Variants in NEGR1 observed in about 807,000 individuals in gnomAD.
NEGR1 encodes the protein neuronal growth regulator 1.
Under a neutral mutation model 40.9 loss-of-function variants are expected in NEGR1, and 10 were observed. The observed-to-expected ratio is 0.24, with a 90% CI of 0.15 to 0.42. The LOEUF (loss-of-function observed/expected upper bound fraction) is 0.42, where lower values mean the gene tolerates loss of function less well. Ranked by LOEUF, NEGR1 falls within the 10% of genes least tolerant of loss-of-function variation. The pLI is 1.00. For synonymous variants in NEGR1, 185 were observed against 166.8 expected (o/e 1.11, Z -0.84); for missense variants, 352 against 438.9 (o/e 0.80, Z 1.77).
At chr1:72,109,739 G>A (rs1276026343) in intron 1 of NEGR1, among the ~76,000 whole-genome samples, 2 of 151,510 alleles carry the variant, frequency 1.3e-5, no homozygotes, top group Non-Finnish European at 3.0e-5. Flanking sequence ...CTCCTAACTG[G>A]CTTTAAATAA....
At chr1:72,143,914 A>ATATATATG (rs1491498187) in intron 1 of NEGR1, among the ~76,000 whole-genome samples, 3 of 130,614 alleles carry the variant, frequency 2.3e-5, no homozygotes, top group African/African-American at 3.0e-5. Flanking sequence ...TGATATATAT[A>ATATATATG]ATATATATAT....
At chr1:72,282,099 G>A (rs1344152860) in intron 1 of NEGR1, among the ~76,000 whole-genome samples, 1 of 152,062 alleles carries the variant, frequency 6.6e-6, no homozygotes, top group Non-Finnish European at 1.5e-5. Context: ...TTGGCGTTCC[G>A]GCAAAGTGCT....
intron 2 of NEGR1, among the ~76,000 whole-genome samples, chr1:71,907,902 C>A (rs1661321248): frequency 6.6e-6 from 1 of 152,094 alleles, no homozygotes; most frequent in Non-Finnish European, 1.5e-5. Flanking sequence ...AACACAGGAA[C>A]AGAAAACCAA....
At chr1:71,464,125 T>C (rs1426973746) in intron 6 of NEGR1, among the ~76,000 whole-genome samples, 1 of 152,096 alleles carries the variant, frequency 6.6e-6, no homozygotes, top group East Asian at 1.9e-4. Context: ...TTTAGTCTTC[T>C]GTCAACAGCT....
intron 6 of NEGR1, among the ~76,000 whole-genome samples, chr1:71,472,101 T>C (rs931144121): frequency 6.6e-6 from 1 of 152,178 alleles, no homozygotes; most frequent in African/African-American, 2.4e-5. Flanking sequence ...ATGGGAAATA[T>C]ACAACTAAAC....
intron 6 of NEGR1, among the ~76,000 whole-genome samples, chr1:71,488,458 C>A (rs1291445612): frequency 2.0e-5 from 3 of 151,752 alleles, no homozygotes; most frequent in Non-Finnish European, 2.9e-5. Flanking sequence ...TGACTCCCAG[C>A]TGAACTGTTT....
chr1:71,724,476 T>C (rs774927580), intron 3 of NEGR1, among the ~76,000 whole-genome samples: 7 of 152,190 alleles, frequency 4.6e-5, no homozygotes, highest in Non-Finnish European at 1.0e-4. Flanking sequence ...TTATTTCCTC[T>C]TTTTGCATCA....
chr1:72,237,989 C>T (rs1654613592), intron 1 of NEGR1, among the ~76,000 whole-genome samples: 1 of 151,832 alleles, frequency 6.6e-6, no homozygotes, highest in African/African-American at 2.4e-5. Flanking sequence ...TATTGTTCTC[C>T]CTACTTCTTT....
rs72680860 is a variant in NEGR1 at position 72,041,550 on chromosome 1, C to G, written c.177-106239G>C. 4.6e-3 allele frequency among the ~76,000 whole-genome samples: 688 copies of G among 150,768 alleles called. 2 individuals are homozygous for G. Among genetic ancestry groups the G allele is most frequent in the Non-Finnish European group, 7.5e-3 (509 of 67,720 alleles). ...AACAGTGGGTTAACAACTGCACCCC[C>G]ACAAAGAGACAGGGTAAGTCACCTA... On this transcript the variant is annotated intron_variant, in intron 1 of 6. Transcript: ENST00000357731.
intron 6 of NEGR1, among the ~76,000 whole-genome samples, chr1:71,495,082 A>G (rs357222): frequency 0.58 from 87,412 of 152,010 alleles, 25,619 homozygotes; most frequent in Middle Eastern, 0.66. Flanking sequence ...TACAGTATCT[A>G]ACACACATAA....
intron 4 of NEGR1, among the ~76,000 whole-genome samples, chr1:71,669,530 T>G (rs1051102493): frequency 6.6e-6 from 1 of 152,232 alleles, no homozygotes; most frequent in African/African-American, 2.4e-5. Context: ...CTTGCAGCCT[T>G]GAATTACTGA....
In NEGR1 at chr1:71,846,368, TACCCACCC is replaced by T. The variant is rs201940960; in HGVS notation, c.410-70079_410-70072del. On this transcript the variant is annotated intron_variant, in intron 2 of 6. Transcript: ENST00000357731. ...CTCCTTTGTTCTTCAGCACTACAAA[TACCCACCC>T]ACCCACCCACACACACACACACACA... is the stretch of plus-strand genomic sequence containing the variant. Among the ~76,000 whole-genome samples the T allele has an allele frequency of 4.5e-5, 6 of 132,476 alleles. No homozygotes were observed. The East Asian group carries it at 6.6e-4, about 14-fold the overall frequency. 86.9% of individuals were successfully genotyped at this position (132,476 alleles called of 152,430 possible).
At chr1:71,927,594 T>A (rs1195621266) in intron 2 of NEGR1, among the ~76,000 whole-genome samples, 2 of 151,868 alleles carry the variant, frequency 1.3e-5, no homozygotes, top group Non-Finnish European at 2.9e-5. Flanking sequence ...TGTTTAGATA[T>A]CAGACCATTG....
intron 1 of NEGR1, among the ~76,000 whole-genome samples, chr1:72,269,409 A>G (rs1655767729): frequency 1.3e-5 from 2 of 151,686 alleles, no homozygotes; most frequent in Middle Eastern, 3.2e-3. Context: ...ATACTATAAC[A>G]AGGAACTACT....
chr1:71,935,424 A>C, intron 1 of NEGR1, 113 bp from the exon 2 acceptor site: 3 of 684,218 alleles, frequency 4.4e-6, no homozygotes, highest in Non-Finnish European at 7.6e-6. Context: ...ATCAAATGCA[A>C]ACATCAGACA....
rs112956217 is a variant in NEGR1, at chr1:71,474,281, ATG to A, written c.941-66713_941-66712del. On this transcript the variant is annotated intron_variant, in intron 6 of 6. Coordinates refer to ENST00000357731, the MANE Select transcript of NEGR1 (RefSeq NM_173808.3). ...TGGAATAAATAAAGAAAACAGGAAA[ATG>A]TGTGTGTGTGTGTGTGTGTGTGTGT... 3.7e-3 allele frequency among the ~76,000 whole-genome samples: 534 copies of A among 143,440 alleles called. 4 individuals carry two copies. Among genetic ancestry groups the A allele is most frequent in the African/African-American group, 7.3e-3 (282 of 38,736 alleles). The allele number at this position is 143,440 out of a possible 152,430, so 94.1% of individuals were successfully genotyped here.
intron 1 of NEGR1, among the ~76,000 whole-genome samples, chr1:72,038,588 C>G (rs1031104890): frequency 1.3e-5 from 2 of 151,834 alleles, no homozygotes; most frequent in African/African-American, 4.8e-5. Context: ...AAAACATCAG[C>G]GTACAAAGAT....
chr1:71,571,914 T>G (rs988485783), intron 6 of NEGR1, among the ~76,000 whole-genome samples: 1 of 152,176 alleles, frequency 6.6e-6, no homozygotes. Context: ...GTAATATGCC[T>G]TGCCTCCTTT....
intron 1 of NEGR1, among the ~76,000 whole-genome samples, chr1:71,942,483 A>ATATAT (rs1168293461): frequency 2.7e-4 from 5 of 18,612 alleles, no homozygotes; most frequent in Non-Finnish European, 3.8e-4. Context: ...ATATATATAT[A>ATATAT]TTTTTTTTTT....
Sources: allele counts gnomAD v4.1 joint callset (sites outside exome capture counted in the v4.1 genomes callset), GRCh38; gene constraint gnomAD v4.1.1; transcripts MANE v1.5; gene names NCBI Gene and HGNC (gene_info 2026-07-23, HGNC 2026-07-21).